EGFR: variants seen among roughly 807,000 people sequenced by gnomAD.
The protein encoded by EGFR is avian erythroblastic leukemia viral (v-erb-b) oncogene homolog.
EGFR carries 58 observed loss-of-function variants against 143.0 expected under a neutral mutation model. The ratio of observed to expected loss-of-function variants is 0.41; its 90% CI spans 0.33 to 0.50. The LOEUF is 0.50. Ranked by LOEUF, EGFR falls within the 20% of genes least tolerant of loss-of-function variation. The pLI, the probability that EGFR is intolerant of heterozygous loss-of-function variation, is 0.39. For synonymous variants in EGFR, 613 were observed against 594.4 expected (o/e 1.03, Z -0.45); for missense variants, 1,307 against 1,579.0 (o/e 0.83, Z 2.92).
At chr7:55,103,781 C>T (rs1037101572) in intron 1 of EGFR, among the ~76,000 whole-genome samples, 2 of 152,186 alleles carry the variant, frequency 1.3e-5, no homozygotes, top group Non-Finnish European at 2.9e-5. Flanking sequence ...TTGTCACATC[C>T]TTATATATAC....
intron 20 of EGFR, among the ~76,000 whole-genome samples, chr7:55,185,287 G>A (rs1787082947): frequency 6.6e-6 from 1 of 152,170 alleles, no homozygotes; most frequent in Admixed American, 6.5e-5. Flanking sequence ...AGCTTGCGGA[G>A]ACACCACTTG....
At position 55,163,586 on chromosome 7, in the gene EGFR, A is replaced by T; in HGVS notation, c.1632-147A>T. The T allele has an allele frequency of 8.5e-6, 6 of 707,964 alleles. No homozygotes were observed. In the South Asian group the frequency reaches 9.1e-5, roughly 11 times the overall value. 43.9% of individuals were successfully genotyped at this position (707,964 alleles called of 1,614,324 possible). ...AAGATGACCCAGGATTCAGTTAACAAAATCAGCTGATTATATTACTATATA... is the reference window on the plus strand; with the variant it reads ...AAGATGACCCAGGATTCAGTTAACATAATCAGCTGATTATATTACTATATA... On this transcript the variant is annotated intron_variant, in intron 13 of 27. Coordinates refer to ENST00000275493, the MANE Select transcript of EGFR (RefSeq NM_005228.5).
intron 5 of EGFR, among the ~76,000 whole-genome samples, chr7:55,151,742 C>T (rs6959438): frequency 0.017 from 2,616 of 152,190 alleles, 80 homozygotes; most frequent in African/African-American, 0.06. Flanking sequence ...GGCGTGGTGG[C>T]GGGCGCCTGT....
At chr7:55,155,635 G>A (rs1785371621) in intron 7 of EGFR, among the ~76,000 whole-genome samples, 195 bp from the exon 8 acceptor site, 1 of 152,164 alleles carries the variant, frequency 6.6e-6, no homozygotes, top group Non-Finnish European at 1.5e-5. Flanking sequence ...TCCACATTGC[G>A]GCCTAGAATG....
At chr7:55,107,640 G>A (rs1792217238) in intron 1 of EGFR, among the ~76,000 whole-genome samples, 2 of 152,182 alleles carry the variant, frequency 1.3e-5, no homozygotes, top group Admixed American at 1.3e-4. Flanking sequence ...TGCAGATCAC[G>A]GCAGTGAATT....
intron 1 of EGFR, among the ~76,000 whole-genome samples, chr7:55,050,194 T>A (rs980127728): frequency 6.6e-6 from 1 of 152,196 alleles, no homozygotes; most frequent in Non-Finnish European, 1.5e-5. Context: ...TCTCCAGAGC[T>A]CCTTTCATCT....
chr7:55,069,395 A>G (rs1789697085), intron 1 of EGFR, among the ~76,000 whole-genome samples: 1 of 152,224 alleles, frequency 6.6e-6, no homozygotes, highest in African/African-American at 2.4e-5. Flanking sequence ...TGAGCTAATA[A>G]TAAACAGCCT....
intron 15 of EGFR, among the ~76,000 whole-genome samples, chr7:55,167,892 A>G (rs1786146901): frequency 6.6e-6 from 1 of 152,234 alleles, no homozygotes; most frequent in Non-Finnish European, 1.5e-5. Flanking sequence ...GACAGTGGAC[A>G]TCAGAGCTTG....
chr7:55,029,157 A>G (rs1737896917), intron 1 of EGFR, among the ~76,000 whole-genome samples: 1 of 152,176 alleles, frequency 6.6e-6, no homozygotes, highest in Admixed American at 6.5e-5. Context: ...AGACTCAGTC[A>G]AAAAACAAAA....
chr7:55,033,371 C>A (rs574298463), intron 1 of EGFR, among the ~76,000 whole-genome samples: 6 of 152,182 alleles, frequency 3.9e-5, no homozygotes, highest in African/African-American at 1.4e-4. Flanking sequence ...AGGGAGGTGA[C>A]GTGATGTGCA....
intron 20 of EGFR, among the ~76,000 whole-genome samples, chr7:55,183,860 G>A (rs1170431466): frequency 6.6e-6 from 1 of 152,160 alleles, no homozygotes; most frequent in African/African-American, 2.4e-5. Context: ...TCATCAGAGG[G>A]GGCCAACAGT....
intron 1 of EGFR, among the ~76,000 whole-genome samples, chr7:55,075,677 C>T (rs1180534778): frequency 2.0e-5 from 3 of 152,178 alleles, no homozygotes; most frequent in Non-Finnish European, 4.4e-5. Flanking sequence ...GTAGTGAGGA[C>T]AGCACCCAGA....
chr7:55,172,943 C>T (rs757337192), intron 16 of EGFR, 40 bp from the exon 17 acceptor site: 2 of 1,614,126 alleles, frequency 1.2e-6, no homozygotes, highest in Admixed American at 3.3e-5. Flanking sequence ...TGGAATCTGT[C>T]AGCAACCTCA....
intron 1 of EGFR, among the ~76,000 whole-genome samples, chr7:55,140,407 AGC>A (rs1346954605): frequency 6.6e-6 from 1 of 152,188 alleles, no homozygotes; most frequent in Non-Finnish European, 1.5e-5. Flanking sequence ...CCTGGACGAC[AGC>A]CAATCTAGTT....
chr7:55,149,924 G>A (rs1056498144), intron 4 of EGFR, among the ~76,000 whole-genome samples: 1 of 152,084 alleles, frequency 6.6e-6, no homozygotes, highest in African/African-American at 2.4e-5. Flanking sequence ...AATGTATAGT[G>A]GGATTCCAAT....
At chr7:55,143,264 C>T (rs1191130164) in intron 2 of EGFR, 41 bp from the exon 3 acceptor site, 2 of 1,612,204 alleles carry the variant, frequency 1.2e-6, no homozygotes, top group Non-Finnish European at 1.7e-6. Context: ...TTCTTGAGTT[C>T]CTCAAAAGAG....
At chr7:55,143,039 T>C (rs1048551226) in intron 2 of EGFR, among the ~76,000 whole-genome samples, 3 of 152,252 alleles carry the variant, frequency 2.0e-5, no homozygotes, top group African/African-American at 7.2e-5. Flanking sequence ...TTGAACCCCG[T>C]GAGGCATGAG....
chr7:55,091,069 C>T (rs1259193658), intron 1 of EGFR, among the ~76,000 whole-genome samples: 1 of 152,192 alleles, frequency 6.6e-6, no homozygotes, highest in Non-Finnish European at 1.5e-5. Flanking sequence ...CTGAGAGGTA[C>T]CAGTGTGCAA....
chr7:55,040,750 T>C lies in EGFR; in HGVS notation c.88+21385T>C, dbSNP rs74402762. ...AAATAGGCACTGGATGTTTATCTGA[T>C]CTTGTTTATAGAAACACAAGAAAAT... On this transcript the variant is annotated intron_variant, in intron 1 of 27. Transcript: ENST00000275493. Among the ~76,000 whole-genome samples the C allele has an allele frequency of 5.2e-3, 788 of 152,352 alleles. 5 individuals are homozygous for C. Among genetic ancestry groups the C allele is most frequent in the South Asian group, 0.032 (153 of 4,826 alleles).
Sources: gnomAD v4.1 joint callset for allele counts (sites outside exome capture counted in the v4.1 genomes callset) on GRCh38, gnomAD v4.1.1 for gene constraint, MANE v1.5 for transcripts, NCBI Gene and HGNC (gene_info 2026-07-23, HGNC 2026-07-21) for gene names.